COQ9: variants seen among roughly 807,000 people sequenced by gnomAD.
COQ9 encodes ubiquinone biosynthesis protein COQ9, mitochondrial.
COQ9 carries 35 observed loss-of-function variants against 42.4 expected under a neutral mutation model. The ratio of observed to expected loss-of-function variants is 0.83; its 90% CI spans 0.63 to 1.10. The LOEUF (loss-of-function observed/expected upper bound fraction) is 1.10. COQ9 is among the 50% of genes least tolerant of loss of function. The pLI is 0.00. For missense variants in COQ9, 406 were observed against 414.6 expected, an observed-to-expected ratio of 0.98 and a Z score of 0.18; for synonymous variants, 155 against 155.1, an observed-to-expected ratio of 1.00 and a Z score of 0.00.
chr16:57,455,273 A>C (rs2030374620), intron 3 of COQ9, among the ~76,000 whole-genome samples: 1 of 151,576 alleles, frequency 6.6e-6, no homozygotes, highest in African/African-American at 2.4e-5. Flanking sequence ...GAGTATGAGG[A>C]GTTTTTGAGT....
chr16:57,461,170 A>C lies in COQ9; in HGVS notation c.*546A>C, dbSNP rs991234919. ...CCTGAGACAAGTGCCTGCTGGACAG[A>C]GGTGTGATTCCAGGCCTGGTGTCAC... On this transcript the variant is annotated 3_prime_UTR_variant, in exon 9 of 9. Transcript: ENST00000262507. The C allele has an allele frequency of 8.8e-6, 4 of 455,760 alleles. No individual in the cohort carries two copies. Among genetic ancestry groups the C allele is most frequent in the Non-Finnish European group, 1.8e-5 (4 of 226,788 alleles). The allele number at this position is 455,760 out of a possible 1,614,324, so 28.2% of individuals were successfully genotyped here. A position where few individuals can be genotyped will look rare whatever the true frequency, so the allele number is the denominator to read the frequency against.
chr16:57,455,031 C>CAG (rs1292854880), intron 3 of COQ9, among the ~76,000 whole-genome samples: 1 of 152,088 alleles, frequency 6.6e-6, no homozygotes, highest in African/African-American at 2.4e-5. Flanking sequence ...GGATTGGAGG[C>CAG]AGAGAGAGAC....
intron 8 of COQ9, 150 bp downstream of exon 8, chr16:57,460,254 A>G (rs929694069): frequency 1.1e-5 from 10 of 899,736 alleles, no homozygotes; most frequent in Non-Finnish European, 1.4e-5. Context: ...TAGTGTCTTG[A>G]TTCCAAAAAC....
intron 3 of COQ9, among the ~76,000 whole-genome samples, chr16:57,454,785 G>GC (rs1178689070): frequency 6.6e-6 from 1 of 152,104 alleles, no homozygotes; most frequent in Admixed American, 6.6e-5. Flanking sequence ...AACTGCACAG[G>GC]CAAGGTGGAA....
chr16:57,451,321 C>T, intron 2 of COQ9, 113 bp downstream of exon 2: 1 of 1,233,326 alleles, frequency 8.1e-7, no homozygotes, highest in Non-Finnish European at 1.2e-6. Flanking sequence ...ATTTCCAAGG[C>T]CATCTTTGTT....
chr16:57,455,792 G>A (rs960289196), intron 3 of COQ9, among the ~76,000 whole-genome samples: 3 of 152,134 alleles, frequency 2.0e-5, no homozygotes, highest in Non-Finnish European at 4.4e-5. Context: ...GAAGAGTACA[G>A]AAACAAGAGT....
rs1043983387 is a variant in COQ9, at chr16:57,461,014, C to T, written c.*390C>T. On this transcript the variant is annotated 3_prime_UTR_variant, in exon 9 of 9. Coordinates refer to ENST00000262507, the MANE Select transcript of COQ9 (RefSeq NM_020312.4). Reference sequence around the variant, plus strand: ...CTCCCAAGCCAGAGTCAAGGTCTGACGCCACCTCAAGGTGACAGCTCATCT... The same window carrying T: ...CTCCCAAGCCAGAGTCAAGGTCTGATGCCACCTCAAGGTGACAGCTCATCT... The T allele has an allele frequency of 3.8e-5, 14 of 365,116 alleles. No individual in the cohort carries two copies. The East Asian group carries it at 5.1e-4, about 13-fold the overall frequency. 22.6% of individuals were successfully genotyped at this position (365,116 alleles called of 1,614,324 possible). A position where few individuals can be genotyped will look rare whatever the true frequency, so the allele number is the denominator to read the frequency against.
chr16:57,447,911 C>T (rs529902876), intron 1 of COQ9: 1 of 243,950 alleles, frequency 4.1e-6, no homozygotes, highest in African/African-American at 2.2e-5. Flanking sequence ...AGTCCATTGC[C>T]AAGTCCACTG....
chr16:57,456,857 G>A (rs1446620156), intron 4 of COQ9, 74 bp from the exon 5 acceptor site: 8 of 1,423,942 alleles, frequency 5.6e-6, no homozygotes. Flanking sequence ...TCCTCCCTAG[G>A]GCTGAGTAAA....
chr16:57,451,702 G>A (rs2030291975), intron 2 of COQ9, among the ~76,000 whole-genome samples: 1 of 152,164 alleles, frequency 6.6e-6, no homozygotes. Flanking sequence ...TCTACATGCT[G>A]TTCTAGAACC....
intron 7 of COQ9, 141 bp downstream of exon 7, chr16:57,459,861 C>A: frequency 9.0e-7 from 1 of 1,110,710 alleles, no homozygotes; most frequent in Non-Finnish European, 1.4e-6. Flanking sequence ...CTTCCTCAGG[C>A]CAGCCCTTCC....
In COQ9 at chr16:57,461,080, C is replaced by T. The variant is rs223869; in HGVS notation, c.*456C>T. ...CGTGTGCACACAGAGGTGTTCCTTG[C>T]AGCCCCCTCCCTCTCAGGTGTCCTG... On this transcript the variant is annotated 3_prime_UTR_variant, in exon 9 of 9. Transcript: ENST00000262507. 8 of 445,352 alleles carry T rather than the reference C, an allele frequency of 1.8e-5. No homozygotes were observed. Among genetic ancestry groups the T allele is most frequent in the Non-Finnish European group, 2.2e-5 (5 of 222,440 alleles). 27.6% of individuals were successfully genotyped at this position (445,352 alleles called of 1,614,324 possible). A position where few individuals can be genotyped will look rare whatever the true frequency, so the allele number is the denominator to read the frequency against.
At position 57,461,015 on chromosome 16, in the gene COQ9, G is replaced by A. The variant is rs1404724121; in HGVS notation, c.*391G>A. The A allele has an allele frequency of 1.6e-5, 6 of 364,854 alleles. No individual in the cohort carries two copies. Among genetic ancestry groups the A allele is most frequent in the African/African-American group, 8.5e-5 (4 of 47,052 alleles). The allele number at this position is 364,854 out of a possible 1,614,324, so 22.6% of individuals were successfully genotyped here. A position where few individuals can be genotyped will look rare whatever the true frequency, so the allele number is the denominator to read the frequency against. On this transcript the variant is annotated 3_prime_UTR_variant, in exon 9 of 9. Transcript: ENST00000262507. ...TCCCAAGCCAGAGTCAAGGTCTGAC[G>A]CCACCTCAAGGTGACAGCTCATCTC...
intron 8 of COQ9, 114 bp downstream of exon 8, chr16:57,460,218 T>A: frequency 9.1e-7 from 1 of 1,094,854 alleles, no homozygotes; most frequent in South Asian, 1.3e-5. Context: ...AATAATCTAA[T>A]AATAAGGCTG....
chr16:57,451,301 ACCTT>A, intron 2 of COQ9, 93 bp downstream of exon 2: 2 of 1,347,554 alleles, frequency 1.5e-6, no homozygotes, highest in East Asian at 4.6e-5. Flanking sequence ...CCCCTTTTGT[ACCTT>A]CCTTCATTTC....
rs887241851 is a variant in COQ9, at chr16:57,455,033, G to A, written c.379-1471G>A. ...CCAGATGAAAAGTGGATTGGAGGCA[G>A]AGAGAGACTCATTGGGGGCTGCTGC... is the stretch of plus-strand genomic sequence containing the variant. On this transcript the variant is annotated intron_variant, in intron 3 of 8. Coordinates refer to ENST00000262507, the MANE Select transcript of COQ9 (RefSeq NM_020312.4). 3.3e-5 allele frequency among the ~76,000 whole-genome samples: 5 copies of A among 152,324 alleles called. No homozygotes were observed. In the East Asian group the frequency reaches 9.7e-4, roughly 29 times the overall value.
chr16:57,456,644 G>A lies in COQ9; in HGVS notation c.519G>A (p.Ala173=), dbSNP rs756892643. 9.9e-6 allele frequency: 16 copies of A among 1,613,276 alleles called. No individual in the cohort carries two copies. The highest frequency in any genetic ancestry group is 3.3e-5 in the South Asian group (3 of 90,976). Residue 173 remains alanine, a splice_region_variant and synonymous_variant, in exon 4 of 9, where the codon GCG becomes GCA. Transcript: ENST00000262507. ...AGAAGCTGGTACAGTTGGGCCAGGC[G>A]GAGTAAGTCCCATGGCATTACTACT... The part of the protein sequence containing the change: ...EEQKLVQLGQ[A]EKRKTDQFLR...
At chr16:57,459,453 T>C in intron 6 of COQ9, 112 bp from the exon 7 acceptor site, 2 of 1,022,088 alleles carry the variant, frequency 2.0e-6, no homozygotes, top group Middle Eastern at 3.0e-4. Flanking sequence ...GCCAGATGTA[T>C]CTGTGACAGT....
rs758406432 is a variant in COQ9, at chr16:57,452,872, C to T, written c.314C>T (p.Thr105Met). The T allele has an allele frequency of 2.4e-5, 38 of 1,613,708 alleles. No individual in the cohort carries two copies. The highest frequency in any genetic ancestry group is 7.7e-5 in the South Asian group (7 of 91,062). The stretch of plus-strand genomic sequence containing the variant: ...GAGCAGTTGCAGCACCGCATCCTGA[C>T]GGCAGCCCTTGAGTTTGTGCCCGCC... ...SEEQLQHRILTAALEFVPAHG... is the reference protein window; with the variant it reads ...SEEQLQHRILMAALEFVPAHG... The change falls in exon 3 of 9, where the codon ACG becomes ATG. Residue 105 changes from threonine to methionine, a missense_variant. Coordinates refer to ENST00000262507, the MANE Select transcript of COQ9 (RefSeq NM_020312.4).
Sources: gnomAD v4.1 joint callset for allele counts (sites outside exome capture counted in the v4.1 genomes callset) on GRCh38, gnomAD v4.1.1 for gene constraint, MANE v1.5 for transcripts, NCBI Gene and HGNC (gene_info 2026-07-23, HGNC 2026-07-21) for gene names.